Variants in TSGA10 observed in about 807,000 individuals in gnomAD.
TSGA10 encodes the protein testis specific 10.
In TSGA10, 43 loss-of-function variants were observed where a neutral mutation model predicts 96.6. The observed-to-expected ratio is 0.44, with a 90% CI of 0.35 to 0.57. TSGA10 has a LOEUF of 0.57. TSGA10 is among the 20% of genes least tolerant of loss of function. The probability of loss-of-function intolerance (pLI) is 0.01; values close to 1 mark genes in which losing one functional copy is unlikely to be tolerated. For missense variants in TSGA10, 703 were observed against 834.4 expected (o/e 0.84, Z 1.94); for synonymous variants, 229 against 269.9 (o/e 0.85, Z 1.48).
intron 16 of TSGA10, among the ~76,000 whole-genome samples, chr2:99,062,126 AT>A (rs1457037088): frequency 1.3e-5 from 2 of 152,254 alleles, no homozygotes; most frequent in Admixed American, 1.3e-4. Flanking sequence ...TATTTGAGAG[AT>A]CAAGAATACA....
At position 99,053,687 on chromosome 2, in the gene TSGA10, C is replaced by CA. The variant is rs1237595237; in HGVS notation, c.1404+11251dup. ...CATACTCAGTGGTGAAAAGCTCCAA[C>CA]AAAAAATGGTTAGAAGTAATAAATT... On this transcript the variant is annotated intron_variant, in intron 16 of 20. Transcript: ENST00000393483. Among the ~76,000 whole-genome samples the CA allele has an allele frequency of 4.6e-5, 7 of 151,906 alleles. No homozygotes were observed. In the South Asian group the frequency reaches 6.2e-4, roughly 14 times the overall value.
intron 10 of TSGA10, among the ~76,000 whole-genome samples, chr2:99,087,752 C>A (rs1203339626): frequency 1.3e-5 from 2 of 151,976 alleles, no homozygotes; most frequent in Non-Finnish European, 2.9e-5. Context: ...AAAAAACAAG[C>A]CACAGACTAG....
chr2:99,095,133 G>C (rs1169063637), intron 10 of TSGA10, among the ~76,000 whole-genome samples: 1 of 152,136 alleles, frequency 6.6e-6, no homozygotes, highest in African/African-American at 2.4e-5. Flanking sequence ...TATTCTAAGG[G>C]AAGTAACTCA....
chr2:99,034,655 G>T (rs374691184), intron 17 of TSGA10, among the ~76,000 whole-genome samples: 89 of 152,104 alleles, frequency 5.9e-4, no homozygotes, highest in African/African-American at 2.0e-3. Flanking sequence ...GAGCTCCTGA[G>T]TATCTCCTTG....
intron 9 of TSGA10, among the ~76,000 whole-genome samples, chr2:99,104,689 G>A (rs2091153901): frequency 6.6e-6 from 1 of 152,020 alleles, no homozygotes; most frequent in South Asian, 2.1e-4. Flanking sequence ...TGGTCAGGCT[G>A]GTCTCAAACT....
At chr2:99,093,826 C>A (rs879769775) in intron 10 of TSGA10, among the ~76,000 whole-genome samples, 15 of 152,020 alleles carry the variant, frequency 9.9e-5, no homozygotes, top group Non-Finnish European at 1.9e-4. Flanking sequence ...GAACCTACTG[C>A]CAAAAGCAAT....
chr2:99,027,448 A>G (rs988778978), intron 17 of TSGA10, among the ~76,000 whole-genome samples: 11 of 152,230 alleles, frequency 7.2e-5, no homozygotes, highest in African/African-American at 2.4e-4. Context: ...GACTGGAGAA[A>G]TAAGTTTTGG....
chr2:99,017,856 G>GT (rs1448082770), intron 20 of TSGA10, among the ~76,000 whole-genome samples: 18 of 151,878 alleles, frequency 1.2e-4, no homozygotes, highest in Non-Finnish European at 2.9e-5. Flanking sequence ...TACACAATGG[G>GT]TACAGTGCAC....
At chr2:99,110,790 A>G (rs2091738232) in intron 5 of TSGA10, 60 bp downstream of exon 5, 1 of 406,130 alleles carries the variant, frequency 2.5e-6, no homozygotes, top group South Asian at 1.0e-4. Context: ...ATAATTTTTT[A>G]TAGCTTACTG....
chr2:99,108,162 A>G (rs1026481706), intron 7 of TSGA10, among the ~76,000 whole-genome samples: 4 of 152,164 alleles, frequency 2.6e-5, no homozygotes, highest in Non-Finnish European at 5.9e-5. Context: ...CACTTAATAA[A>G]AATCAATAAA....
chr2:99,071,102 C>T (rs1023368546), intron 14 of TSGA10, among the ~76,000 whole-genome samples: 4 of 152,016 alleles, frequency 2.6e-5, no homozygotes, highest in Admixed American at 1.3e-4. Flanking sequence ...AGGATGCAAA[C>T]TAAACACACT....
chr2:99,069,727 G>A (rs984800728), intron 14 of TSGA10, among the ~76,000 whole-genome samples: 5 of 151,902 alleles, frequency 3.3e-5, no homozygotes, highest in Admixed American at 1.3e-4. Flanking sequence ...AAAATTTAAT[G>A]AGATGCTGTC....
chr2:99,007,844 C>A (rs944345297), intron 20 of TSGA10, among the ~76,000 whole-genome samples: 2 of 152,122 alleles, frequency 1.3e-5, no homozygotes, highest in African/African-American at 4.8e-5. Flanking sequence ...ACTGAGCTAT[C>A]CCTACAGAAT....
At chr2:99,127,942 G>C (rs1346888110) in intron 1 of TSGA10, among the ~76,000 whole-genome samples, 2 of 152,152 alleles carry the variant, frequency 1.3e-5, no homozygotes, top group Non-Finnish European at 2.9e-5. Context: ...AAATGTTAGA[G>C]ATTTTTCACT....
intron 10 of TSGA10, among the ~76,000 whole-genome samples, chr2:99,094,195 G>A (rs1320902363): frequency 6.6e-6 from 1 of 152,154 alleles, no homozygotes; most frequent in African/African-American, 2.4e-5. Context: ...TAATTGGCAA[G>A]CCACATGTAG....
intron 16 of TSGA10, among the ~76,000 whole-genome samples, chr2:99,048,151 G>A (rs963739277): frequency 4.6e-5 from 7 of 152,208 alleles, no homozygotes; most frequent in African/African-American, 1.7e-4. Context: ...ACTGCCCAAA[G>A]GGATTTATAG....
At chr2:99,130,570 T>C (rs2093031109) in intron 1 of TSGA10, among the ~76,000 whole-genome samples, 1 of 152,018 alleles carries the variant, frequency 6.6e-6, no homozygotes, top group Non-Finnish European at 1.5e-5. Flanking sequence ...TCCCATTCTG[T>C]GTTTCCTGTT....
intron 16 of TSGA10, among the ~76,000 whole-genome samples, chr2:99,057,662 C>T (rs2084163485): frequency 6.6e-6 from 1 of 152,078 alleles, no homozygotes; most frequent in Admixed American, 6.6e-5. Flanking sequence ...GTTAAGACAG[C>T]CATATTCCCC....
chr2:99,129,419 T>A (rs1263313644), intron 1 of TSGA10, among the ~76,000 whole-genome samples: 1 of 152,198 alleles, frequency 6.6e-6, no homozygotes, highest in Non-Finnish European at 1.5e-5. Flanking sequence ...ACTTTCTTCC[T>A]CCTCTTTGGT....
Sources: allele counts gnomAD v4.1 joint callset (sites outside exome capture counted in the v4.1 genomes callset), GRCh38; gene constraint gnomAD v4.1.1; transcripts MANE v1.5; gene names NCBI Gene and HGNC (gene_info 2026-07-23, HGNC 2026-07-21).